LGI1: variants seen among roughly 807,000 people sequenced by gnomAD.
LGI1 encodes leucine-rich glioma-inactivated protein 1.
A neutral mutation model predicts 57.7 loss-of-function variants in LGI1; 11 were observed. That is an observed-to-expected ratio of 0.19 (90% CI 0.12 to 0.32). LGI1 has a LOEUF of 0.32. Ranked by LOEUF, LGI1 falls within the 10% of genes least tolerant of loss-of-function variation. The probability of loss-of-function intolerance (pLI) is 1.00; values close to 1 mark genes in which losing one functional copy is unlikely to be tolerated. For missense variants in LGI1, 422 were observed against 661.9 expected (o/e 0.64, Z 3.98); for synonymous variants, 222 against 241.9 (o/e 0.92, Z 0.76).
At chr10:93,772,997 T>C (rs922874918) in intron 2 of LGI1, 1 of 151,404 alleles carries the variant, frequency 6.6e-6, no homozygotes. Context: ...GGAGGATTGC[T>C]GGAGCCAGGG....
chr10:93,763,607 G>A (rs1175526216), intron 2 of LGI1: 1 of 152,148 alleles, frequency 6.6e-6, no homozygotes, highest in Non-Finnish European at 1.5e-5. Flanking sequence ...TCTGATGTTT[G>A]GTGCACCCTA....
At chr10:93,781,582 GT>G (rs1163569060) in intron 4 of LGI1, among the ~76,000 whole-genome samples, 1 of 151,878 alleles carries the variant, frequency 6.6e-6, no homozygotes, top group African/African-American at 2.4e-5. Context: ...TGTTATGCAT[GT>G]TTCACTTTAA....
chr10:93,766,629 C>A (rs971108884), intron 2 of LGI1, among the ~76,000 whole-genome samples: 1 of 150,746 alleles, frequency 6.6e-6, no homozygotes, highest in African/African-American at 2.4e-5. Context: ...CTCAGCCTCC[C>A]GAGTAGCTGG....
intron 4 of LGI1, among the ~76,000 whole-genome samples, chr10:93,783,550 C>T (rs982742413): frequency 1.3e-5 from 2 of 152,088 alleles, no homozygotes; most frequent in Non-Finnish European, 2.9e-5. Context: ...GGTGGGGGTC[C>T]ACACCAGCTG....
intron 7 of LGI1, among the ~76,000 whole-genome samples, chr10:93,795,132 T>C (rs1171192690): frequency 1.3e-5 from 2 of 152,222 alleles, no homozygotes; most frequent in South Asian, 2.1e-4. Context: ...TGAATGACTC[T>C]TTAGATGAGC....
At chr10:93,775,042 C>G (rs1247837046) in intron 2 of LGI1, among the ~76,000 whole-genome samples, 1 of 152,024 alleles carries the variant, frequency 6.6e-6, no homozygotes, top group African/African-American at 2.4e-5. Context: ...TTATCTTAGC[C>G]AGAGGGTGTT....
At chr10:93,765,921 G>C (rs1465798325) in intron 2 of LGI1, among the ~76,000 whole-genome samples, 2 of 141,004 alleles carry the variant, frequency 1.4e-5, no homozygotes, top group Non-Finnish European at 1.5e-5. Context: ...AGTGAGCCGA[G>C]ATCGCGCCAC....
chr10:93,797,374 A>G lies in LGI1; in HGVS notation c.1245A>G (p.Lys415=). Residue 415 remains lysine (K), a synonymous_variant, in exon 8 of 8, where the codon AAA becomes AAG. Transcript: ENST00000371418. This position sits in a 1 kb window ranked among gnomAD's most constrained non-coding sequence, Gnocchi z 6.5. ...GTCCTGTAATTTATCAGTGGAACAA[A>G]GCAACACAATTATTCACTAACCAAA... ...SQRPVIYQWN[K]ATQLFTNQTD... The G allele has an allele frequency of 1.2e-6, 2 of 1,614,244 alleles. No individual in the cohort carries two copies. The highest frequency in any genetic ancestry group is 1.3e-5 in the African/African-American group (1 of 75,074).
At chr10:93,781,479 TA>T (rs1230401429) in intron 4 of LGI1, among the ~76,000 whole-genome samples, 1 of 152,190 alleles carries the variant, frequency 6.6e-6, no homozygotes, top group Admixed American at 6.5e-5. Context: ...AATTAACCCT[TA>T]AAAAGGGAGA....
intron 2 of LGI1, among the ~76,000 whole-genome samples, chr10:93,775,066 T>C (rs186940093): frequency 6.6e-6 from 1 of 152,314 alleles, no homozygotes; most frequent in Admixed American, 6.5e-5. Context: ...TTAGCTTTTA[T>C]AAGAAACTTT....
chr10:93,789,289 A>C (rs1317197435), intron 4 of LGI1: 2 of 152,282 alleles, frequency 1.3e-5, no homozygotes, highest in African/African-American at 2.4e-5. Context: ...GGTGCTAGAA[A>C]GGAAAAGGAG....
chr10:93,796,817 T>C (rs1420511762), intron 7 of LGI1, 151 bp from the exon 8 acceptor site: 2 of 674,090 alleles, frequency 3.0e-6, no homozygotes, highest in Non-Finnish European at 5.1e-6. Flanking sequence ...ACTGCTGCCA[T>C]TGGGCTTTGG....
intron 4 of LGI1, among the ~76,000 whole-genome samples, chr10:93,778,479 A>G (rs2059816511): frequency 6.6e-6 from 1 of 152,196 alleles, no homozygotes; most frequent in Non-Finnish European, 1.5e-5. Flanking sequence ...AAGAAAAGGC[A>G]CTAACATTTA....
Position 93,792,858 on chromosome 10 carries a change from A to C in LGI1, c.619A>C (p.Lys207Gln), listed in dbSNP as rs2059948134. The change falls in exon 6 of 8, where the codon AAG becomes CAG. Residue 207 changes from lysine to glutamine, a missense_variant. Around this residue, in one of 3 missense-constraint regions of LGI1, gnomAD observed 301 missense variants for 461.7 expected, o/e 0.65. Transcript: ENST00000371418. ...CTACTGCGAAGGCCCCCCAGAATAC[A>C]AGAAGCGCAAAATCAATAGTCTCTC... The part of the protein sequence containing the change: ...DIYCEGPPEY[K>Q]KRKINSLSSK... 6.2e-7 allele frequency: 1 copy of C among 1,614,154 alleles called. No homozygotes were observed. The highest frequency in any genetic ancestry group is 2.2e-5 in the East Asian group (1 of 44,866).
chr10:93,772,090 A>G (rs1317055810), intron 2 of LGI1: 1 of 152,206 alleles, frequency 6.6e-6, no homozygotes, highest in African/African-American at 2.4e-5. Flanking sequence ...GAAAAGGCAA[A>G]TTGGTAATCA....
chr10:93,777,043 G>T (rs1232022815), intron 2 of LGI1: 3 of 402,190 alleles, frequency 7.5e-6, no homozygotes, highest in Non-Finnish European at 9.2e-6. Context: ...AAGCAGAAAA[G>T]ATTGTTAGTG....
intron 4 of LGI1, chr10:93,782,792 G>C (rs932072218): frequency 6.6e-6 from 1 of 152,224 alleles, no homozygotes; most frequent in African/African-American, 2.4e-5. Flanking sequence ...CAGGGGGGCT[G>C]GTGCACCCCA....
Position 93,766,512 on chromosome 10 carries a change from C to CTT in LGI1, c.287+7690_287+7691dup, listed in dbSNP as rs71031537. Among the ~76,000 whole-genome samples the CTT allele has an allele frequency of 5.9e-5, 5 of 84,578 alleles. 2 individuals carry two copies. The South Asian group carries it at 1.5e-3, about 25-fold the overall frequency. 55.5% of individuals were successfully genotyped at this position (84,578 alleles called of 152,430 possible). On this transcript the variant is annotated intron_variant, in intron 2 of 7. Coordinates refer to ENST00000371418, the MANE Select transcript of LGI1 (RefSeq NM_005097.4). The stretch of plus-strand genomic sequence containing the variant: ...TTGGTGCTAAGCATTTTATAGATCT[C>CTT]TTTTTTTTTTGAGACGGAGTCTCGC...
intron 5 of LGI1, chr10:93,790,737 C>G (rs1052524366): frequency 1.3e-5 from 2 of 152,262 alleles, no homozygotes; most frequent in South Asian, 4.1e-4. Flanking sequence ...GACCCTTTTT[C>G]AAACAAAAGA....
Sources: allele counts gnomAD v4.1 joint callset (sites outside exome capture counted in the v4.1 genomes callset), GRCh38; gene constraint gnomAD v4.1.1; regional missense constraint gnomAD v4.1.1; non-coding constraint Gnocchi (gnomAD v3.1); transcripts MANE v1.5; gene names NCBI Gene and HGNC (gene_info 2026-07-23, HGNC 2026-07-21).